CSGALNACT1: variants seen among roughly 807,000 people sequenced by gnomAD.
CSGALNACT1 encodes the protein chondroitin sulfate N-acetylgalactosaminyltransferase 1, also known as beta4GalNAcT-1.
CSGALNACT1 carries 52 observed loss-of-function variants against 51.0 expected under a neutral mutation model. That is an observed-to-expected ratio of 1.02 (90% CI 0.82 to 1.29). CSGALNACT1 has a LOEUF of 1.29. Ranked by LOEUF, CSGALNACT1 falls within the 50% of genes most tolerant of loss-of-function variation. CSGALNACT1 has a pLI of 0.00. For missense variants in CSGALNACT1, 935 were observed against 679.2 expected (o/e 1.38, Z -4.19); for synonymous variants, 341 against 254.4 (o/e 1.34, Z -3.24).
At chr8:19,570,709 G>A (rs2004821) in intron 3 of CSGALNACT1, among the ~76,000 whole-genome samples, 4,200 of 152,206 alleles carry the variant, frequency 0.028, 195 homozygotes, top group African/African-American at 0.096. Context: ...AGACCAGCTC[G>A]GCCAACATGG....
At chr8:19,491,814 T>C (rs1382484616) in intron 4 of CSGALNACT1, among the ~76,000 whole-genome samples, 4 of 152,268 alleles carry the variant, frequency 2.6e-5, no homozygotes, top group Non-Finnish European at 5.9e-5. Flanking sequence ...AACTGATTTC[T>C]AATAAATTCG....
At chr8:19,693,151 A>G (rs1161250348) in intron 1 of CSGALNACT1, among the ~76,000 whole-genome samples, 3 of 152,160 alleles carry the variant, frequency 2.0e-5, no homozygotes, top group Non-Finnish European at 4.4e-5. Flanking sequence ...TTATTTGCCA[A>G]CTGGCTCCAG....
At chr8:19,431,284 G>A (rs2059614012) in intron 6 of CSGALNACT1, among the ~76,000 whole-genome samples, 1 of 152,046 alleles carries the variant, frequency 6.6e-6, no homozygotes, top group Non-Finnish European at 1.5e-5. Flanking sequence ...CATTAAGTAT[G>A]ATGTTTTTCA....
chr8:19,421,965 T>A (rs753971736), intron 6 of CSGALNACT1, among the ~76,000 whole-genome samples: 2 of 152,128 alleles, frequency 1.3e-5, no homozygotes, highest in Non-Finnish European at 2.9e-5. Context: ...GCCCCATAAG[T>A]GTTCAACAGA....
chr8:19,514,534 A>G lies in CSGALNACT1; in HGVS notation c.-296-8404T>C, dbSNP rs1388814900. Among the ~76,000 whole-genome samples the G allele has an allele frequency of 5.7e-5, 7 of 123,816 alleles. No homozygotes were observed. In the East Asian group the frequency reaches 1.5e-3, roughly 26 times the overall value. 81.2% of individuals were successfully genotyped at this position (123,816 alleles called of 152,430 possible). A position where few individuals can be genotyped will look rare whatever the true frequency, so the allele number is the denominator to read the frequency against. On this transcript the variant is annotated intron_variant, in intron 3 of 9. Transcript: ENST00000454498. ...ATACATGTATCTATTTAAAAATTAT[A>G]TACAGGCCAGGCACAGTGGCTCTCG...
intron 3 of CSGALNACT1, among the ~76,000 whole-genome samples, chr8:19,556,132 C>T (rs1264320970): frequency 2.6e-5 from 4 of 152,030 alleles, no homozygotes; most frequent in African/African-American, 9.7e-5. Context: ...AATCCCAACA[C>T]TGTGGGAGGC....
intron 1 of CSGALNACT1, among the ~76,000 whole-genome samples, chr8:19,700,126 GAAA>G (rs36041049): frequency 1.4e-5 from 2 of 139,164 alleles, no homozygotes; most frequent in African/African-American, 5.5e-5. Context: ...AAAAAAAAAA[GAAA>G]AAAAAAAACT....
intron 4 of CSGALNACT1, among the ~76,000 whole-genome samples, chr8:19,499,339 C>A (rs1191011500): frequency 2.0e-5 from 3 of 152,152 alleles, no homozygotes; most frequent in Admixed American, 6.5e-5. Flanking sequence ...CCGCAAAATT[C>A]TTGAAATAAG....
intron 3 of CSGALNACT1, among the ~76,000 whole-genome samples, chr8:19,559,484 T>G (rs1262167316): frequency 6.6e-6 from 1 of 152,126 alleles, no homozygotes; most frequent in African/African-American, 2.4e-5. Context: ...AGCCAGTGTA[T>G]TAAGGCATAA....
At chr8:19,504,226 G>A (rs888851584) in intron 4 of CSGALNACT1, among the ~76,000 whole-genome samples, 10 of 152,048 alleles carry the variant, frequency 6.6e-5, no homozygotes, top group African/African-American at 1.7e-4. Flanking sequence ...ACAGGCGCCC[G>A]CCACCAGGCC....
chr8:19,622,252 T>C (rs1206200881), intron 1 of CSGALNACT1, among the ~76,000 whole-genome samples: 1 of 152,248 alleles, frequency 6.6e-6, no homozygotes, highest in Non-Finnish European at 1.5e-5. Context: ...GGTTGTTTTA[T>C]TGTTTAGGGA....
At chr8:19,507,356 T>A (rs1404599169) in intron 3 of CSGALNACT1, among the ~76,000 whole-genome samples, 11 of 151,688 alleles carry the variant, frequency 7.3e-5, no homozygotes, top group Non-Finnish European at 1.6e-4. Context: ...GCTCTGCACC[T>A]CAACTCTCAA....
At chr8:19,466,255 G>A (rs186636173) in intron 4 of CSGALNACT1, among the ~76,000 whole-genome samples, 95 of 152,320 alleles carry the variant, frequency 6.2e-4, no homozygotes, top group Non-Finnish European at 1.2e-3. Context: ...CTGACAGAAG[G>A]GAGAGGGCAA....
chr8:19,461,397 C>T (rs1176590539), intron 4 of CSGALNACT1, among the ~76,000 whole-genome samples: 4 of 152,098 alleles, frequency 2.6e-5, no homozygotes, highest in Non-Finnish European at 4.4e-5. Flanking sequence ...TGAAAGCAGC[C>T]ACATTCACCA....
At chr8:19,454,294 T>C (rs1387641013) in intron 5 of CSGALNACT1, among the ~76,000 whole-genome samples, 2 of 152,234 alleles carry the variant, frequency 1.3e-5, no homozygotes, top group African/African-American at 4.8e-5. Context: ...TGCTGATGAA[T>C]ACATTAAATC....
In CSGALNACT1 at chr8:19,505,221, G is replaced by C. The variant is rs146273214; in HGVS notation, c.614C>G (p.Thr205Arg). 6 of 1,613,998 alleles carry C rather than the reference G, an allele frequency of 3.7e-6. No homozygotes were observed. In the African/African-American group the frequency reaches 8.0e-5, roughly 22 times the overall value. Reference sequence around the variant, plus strand: ...CTAACCTTCTATGAAATCAGAGGCCGTGTAAGGACGGTGATTGGGGCTGTT... The same window carrying C: ...CTAACCTTCTATGAAATCAGAGGCCCTGTAAGGACGGTGATTGGGGCTGTT... Residue 205 changes from threonine (T) to arginine (R), a missense_variant, in exon 4 of 10, where the codon ACG (threonine) becomes AGG (arginine). Physicochemically the swap from Thr to Arg is moderately conservative, Grantham distance 71. Transcript: ENST00000454498.
intron 4 of CSGALNACT1, among the ~76,000 whole-genome samples, chr8:19,490,566 C>T (rs774944754): frequency 3.3e-5 from 5 of 152,166 alleles, no homozygotes; most frequent in Non-Finnish European, 5.9e-5. Flanking sequence ...CAGGAGCATG[C>T]GAAACCACCT....
chr8:19,738,171 G>A (rs532680148), intron 1 of CSGALNACT1, among the ~76,000 whole-genome samples: 1 of 152,322 alleles, frequency 6.6e-6, no homozygotes, highest in East Asian at 1.9e-4. Context: ...AGGCTGCAGT[G>A]AGCTATGATC....
intron 1 of CSGALNACT1, among the ~76,000 whole-genome samples, chr8:19,637,760 C>G (rs2056262277): frequency 1.3e-5 from 2 of 151,666 alleles, no homozygotes; most frequent in Non-Finnish European, 2.9e-5. Flanking sequence ...TTCTGAGGAT[C>G]ATTCGTAACT....
Sources: allele counts gnomAD v4.1 joint callset (sites outside exome capture counted in the v4.1 genomes callset), GRCh38; gene constraint gnomAD v4.1.1; transcripts MANE v1.5; gene names NCBI Gene and HGNC (gene_info 2026-07-23, HGNC 2026-07-21).